The following ARHGEF4 variants were observed in gnomAD, a reference collection of about 807,000 sequenced individuals.
The protein encoded by ARHGEF4 is APC-stimulated guanine nucleotide exchange factor 1.
ARHGEF4 carries 119 observed loss-of-function variants against 162.0 expected under a neutral mutation model. The observed-to-expected ratio is 0.73, with a 90% CI of 0.63 to 0.86. ARHGEF4 has a LOEUF of 0.86. Ranked by LOEUF, ARHGEF4 falls within the 40% of genes least tolerant of loss-of-function variation. ARHGEF4 has a pLI of 0.00. For missense variants in ARHGEF4, 2,488 were observed against 2,456.0 expected, an observed-to-expected ratio of 1.01 and a Z score of -0.28; for synonymous variants, 1,014 against 979.9, an observed-to-expected ratio of 1.03 and a Z score of -0.65.
intron 4 of ARHGEF4, among the ~76,000 whole-genome samples, chr2:131,011,461 G>A (rs866634733): frequency 1.3e-5 from 2 of 152,148 alleles, no homozygotes; most frequent in African/African-American, 4.8e-5. Context: ...GATGGTAGCA[G>A]AAGAGAAAAA....
chr2:131,022,162 A>G (rs1401236452), intron 4 of ARHGEF4, among the ~76,000 whole-genome samples: 3 of 152,216 alleles, frequency 2.0e-5, no homozygotes, highest in African/African-American at 4.8e-5. Context: ...GTGATGTTAT[A>G]GAATGAGTTG....
chr2:131,002,481 C>T (rs973475555), intron 4 of ARHGEF4, among the ~76,000 whole-genome samples: 19 of 151,894 alleles, frequency 1.3e-4, no homozygotes, highest in African/African-American at 2.9e-4. Flanking sequence ...GAGGCCGAGG[C>T]GGGCGGATCA....
chr2:130,946,686 A>G (rs768029239), intron 4 of ARHGEF4, 51 bp downstream of exon 4: 2 of 1,609,114 alleles, frequency 1.2e-6, no homozygotes, highest in Non-Finnish European at 1.7e-6. Flanking sequence ...CCTGGCATGA[A>G]GGACAAGAAG....
intron 6 of ARHGEF4, 161 bp from the exon 7 acceptor site, chr2:131,039,855 G>A: frequency 1.4e-6 from 2 of 1,428,918 alleles, no homozygotes; most frequent in South Asian, 1.5e-5. Context: ...TCCAGGACTT[G>A]CGTGGGTGGC....
Position 131,038,935 on chromosome 2 carries a change from C to G in ARHGEF4, c.4208C>G (p.Ala1403Gly). 6.2e-7 allele frequency: 1 copy of G among 1,613,708 alleles called. No individual in the cohort carries two copies. The highest frequency in any genetic ancestry group is 1.1e-5 in the South Asian group (1 of 91,078). ...TMDDQELGFKAGDVIEVMDAT... is the reference protein window; with the variant it reads ...TMDDQELGFKGGDVIEVMDAT... ...GACGACCAGGAGCTGGGCTTCAAAG[C>G]TGGGGACGTCATCGAAGTGATGGAT... is the stretch of plus-strand genomic sequence containing the variant. Residue 1403 changes from alanine (A) to glycine (G), a missense_variant, in exon 6 of 14, where the codon GCT (alanine) becomes GGT (glycine). Physicochemically the swap from Ala to Gly is moderately conservative, Grantham distance 60. Around this residue, in one of 6 missense-constraint regions of ARHGEF4, gnomAD observed 174 missense variants for 148.3 expected, o/e 1.17. Transcript: ENST00000409359.
intron 4 of ARHGEF4, among the ~76,000 whole-genome samples, chr2:131,007,296 C>A (rs1313594205): frequency 6.6e-6 from 1 of 152,110 alleles, no homozygotes; most frequent in Admixed American, 6.6e-5. Context: ...GGGAAAGTGG[C>A]CCAAATGCTG....
intron 4 of ARHGEF4, among the ~76,000 whole-genome samples, chr2:130,977,628 G>C (rs1453146298): frequency 6.6e-6 from 1 of 151,202 alleles, no homozygotes; most frequent in Non-Finnish European, 1.5e-5. Flanking sequence ...GGTGTGTGCT[G>C]TGTGTGTTTT....
chr2:131,044,758 C>T (rs558108508), intron 12 of ARHGEF4, among the ~76,000 whole-genome samples: 91 of 152,370 alleles, frequency 6.0e-4, no homozygotes, highest in African/African-American at 2.1e-3. Flanking sequence ...GATACAGTTT[C>T]GCAGAGTTCA....
rs760551746 is a variant in ARHGEF4, at chr2:131,040,404, A to G, written c.4626A>G (p.Pro1542=). The G allele has an allele frequency of 6.9e-6, 11 of 1,605,486 alleles. No individual in the cohort carries two copies. The South Asian group carries it at 1.1e-4, about 16-fold the overall frequency. ...AGCAGAGGTTCAACCGCGAGCGCCC[A>G]CACCTGAGCGAGCTGGGTGCCTGCT... ...ALEQRFNRER[P]HLSELGACFL... The change falls in exon 8 of 14, where the codon CCA becomes CCG. Residue 1542 remains proline (P), a synonymous_variant. Coordinates refer to ENST00000409359, the MANE Select transcript of ARHGEF4 (RefSeq NM_001367493.1).
chr2:131,001,563 T>C (rs1426824569), intron 4 of ARHGEF4, among the ~76,000 whole-genome samples: 3 of 152,274 alleles, frequency 2.0e-5, no homozygotes, highest in African/African-American at 4.8e-5. Context: ...AGAATTCTTA[T>C]AAATGGTGAG....
At position 130,917,052 on chromosome 2, in the gene ARHGEF4, C is replaced by T; in HGVS notation, c.3106C>T (p.Gln1036Ter). 6.4e-7 allele frequency: 1 copy of T among 1,550,874 alleles called. No homozygotes were observed. The highest frequency in any genetic ancestry group is 8.7e-7 in the Non-Finnish European group (1 of 1,147,058). Residue 1036 changes from glutamine (Q) to a stop codon, truncating the protein, a stop_gained, in exon 2 of 14, where the codon CAG becomes TAG. Coordinates refer to ENST00000409359, the MANE Select transcript of ARHGEF4 (RefSeq NM_001367493.1). LOFTEE classifies it high-confidence loss of function. Reference protein sequence around the residue: ...SEPTIKCTATQEGGRYLPSGI... With the variant: ...SEPTIKCTAT ...ACCGACCATCAAGTGCACAGCCACC[C>T]AGGAAGGCGGTAGGTACCTACCTTC... is the stretch of plus-strand genomic sequence containing the variant.
intron 4 of ARHGEF4, among the ~76,000 whole-genome samples, chr2:131,015,801 C>T (rs547229438): frequency 5.3e-5 from 8 of 152,308 alleles, no homozygotes; most frequent in Middle Eastern, 3.4e-3. Flanking sequence ...CCCTTGTGAG[C>T]GTGTGAAGAA....
In ARHGEF4 at chr2:131,040,034, G is replaced by A. The variant is rs1434389537; in HGVS notation, c.4324G>A (p.Glu1442Lys). 2 of 1,566,478 alleles carry A rather than the reference G, an allele frequency of 1.3e-6. No homozygotes were observed. The highest frequency in any genetic ancestry group is 2.4e-5 in the East Asian group (1 of 41,544). Residue 1442 changes from glutamate (E) to lysine (K), a missense_variant, in exon 7 of 14, where the codon GAG (glutamate) becomes AAG (lysine). Glu to Lys is a moderately conservative substitution (Grantham distance 56). This residue lies in a region of ARHGEF4 where 174 missense variants were observed against 148.3 expected (regional missense o/e 1.17). Coordinates refer to ENST00000409359, the MANE Select transcript of ARHGEF4 (RefSeq NM_001367493.1). ...CCTGCAGCTGAGGGTGAATCAGGACGAGCCCGCGGATGACGACGCCCCTCT... is the reference window on the plus strand; with the variant it reads ...CCTGCAGCTGAGGGTGAATCAGGACAAGCCCGCGGATGACGACGCCCCTCT... ...SFVRLRVNQD[E>K]PADDDAPLAG... is the part of the protein sequence containing the mutation.
chr2:130,994,368 C>CT (rs1381228026), intron 4 of ARHGEF4, among the ~76,000 whole-genome samples: 1 of 152,028 alleles, frequency 6.6e-6, no homozygotes, highest in Non-Finnish European at 1.5e-5. Flanking sequence ...TGTATACACT[C>CT]TTATTATTAT....
intron 4 of ARHGEF4, among the ~76,000 whole-genome samples, chr2:130,994,446 A>G (rs1225169032): frequency 6.6e-6 from 1 of 152,218 alleles, no homozygotes; most frequent in African/African-American, 2.4e-5. Context: ...ATATAAATCA[A>G]TATAAATCAG....
chr2:130,902,704 T>TCGG (rs61361805), intron 1 of ARHGEF4, among the ~76,000 whole-genome samples: 5,857 of 149,756 alleles, frequency 0.039, 250 homozygotes, highest in East Asian at 0.19. Flanking sequence ...TGTAATCCTC[T>TCGG]CGGCACATTA....
chr2:131,001,080 G>C (rs1482481665), intron 4 of ARHGEF4, among the ~76,000 whole-genome samples: 1 of 152,052 alleles, frequency 6.6e-6, no homozygotes, highest in Non-Finnish European at 1.5e-5. Context: ...TGAGGCGGTG[G>C]CTCACTTGGG....
At chr2:130,981,334 C>T (rs72614449) in intron 4 of ARHGEF4, among the ~76,000 whole-genome samples, 3,537 of 152,214 alleles carry the variant, frequency 0.023, 156 homozygotes, top group East Asian at 0.2. Context: ...TTTATATCTA[C>T]GCATACACAA....
At chr2:130,849,403 C>T (rs1053493879) in intron 1 of ARHGEF4, among the ~76,000 whole-genome samples, 3 of 152,084 alleles carry the variant, frequency 2.0e-5, no homozygotes, top group African/African-American at 4.8e-5. Flanking sequence ...TTGCCTGGGG[C>T]CCCAGTGCCC....
Sources: gnomAD v4.1 joint callset for allele counts (sites outside exome capture counted in the v4.1 genomes callset) on GRCh38, gnomAD v4.1.1 for gene constraint, gnomAD v4.1.1 regional missense constraint, MANE v1.5 for transcripts, NCBI Gene and HGNC (gene_info 2026-07-23, HGNC 2026-07-21) for gene names.